ADAMTS17: variants seen among roughly 807,000 people sequenced by gnomAD.
ADAMTS17 encodes the protein ADAM metallopeptidase with thrombospondin type 1 motif 17.
Under a neutral mutation model 141.5 loss-of-function variants are expected in ADAMTS17, and 113 were observed. That is an observed-to-expected ratio of 0.80 (90% CI 0.69 to 0.93). ADAMTS17 has a LOEUF of 0.93. ADAMTS17 is among the 40% of genes least tolerant of loss of function. The pLI, the probability that ADAMTS17 is intolerant of heterozygous loss-of-function variation, is 0.00. For missense variants in ADAMTS17, 1,659 were observed against 1,517.9 expected (o/e 1.09, Z -1.54); for synonymous variants, 768 against 630.6 (o/e 1.22, Z -3.27).
At chr15:100,074,139 G>C (rs1456209136) in intron 15 of ADAMTS17, 1 of 153,046 alleles carries the variant, frequency 6.5e-6, no homozygotes, top group Non-Finnish European at 1.5e-5. Context: ...ACCTTGCTTA[G>C]CTTCTGAGAT....
chr15:100,297,496 T>G (rs1190052836), intron 3 of ADAMTS17, among the ~76,000 whole-genome samples: 1 of 152,006 alleles, frequency 6.6e-6, no homozygotes, highest in Non-Finnish European at 1.5e-5. Flanking sequence ...GCAAATAGAT[T>G]CAGGAGGGAC....
intron 14 of ADAMTS17, among the ~76,000 whole-genome samples, chr15:100,104,803 ATTTC>A (rs1453661757): frequency 1.3e-5 from 2 of 152,116 alleles, no homozygotes; most frequent in Non-Finnish European, 2.9e-5. Context: ...TTCCTTAACC[ATTTC>A]TTTCTTGCTA....
At chr15:100,198,167 T>C (rs1417164024) in intron 8 of ADAMTS17, among the ~76,000 whole-genome samples, 2 of 151,644 alleles carry the variant, frequency 1.3e-5, no homozygotes, top group Non-Finnish European at 2.9e-5. Context: ...GAACTTAGAG[T>C]AGAATTAAAA....
chr15:99,980,387 T>TC (rs1299521560), intron 20 of ADAMTS17: 1 of 152,162 alleles, frequency 6.6e-6, no homozygotes, highest in African/African-American at 2.4e-5. Flanking sequence ...AACACCAACA[T>TC]CCCTTTTCTC....
chr15:100,002,376 G>T (rs1318640903), intron 18 of ADAMTS17, among the ~76,000 whole-genome samples: 1 of 152,056 alleles, frequency 6.6e-6, no homozygotes, highest in African/African-American at 2.4e-5. Flanking sequence ...TCATGGGGAT[G>T]CCACTTGGCA....
chr15:100,000,942 GT>G (rs1191950872), intron 18 of ADAMTS17, among the ~76,000 whole-genome samples: 1 of 152,188 alleles, frequency 6.6e-6, no homozygotes, highest in African/African-American at 2.4e-5. Flanking sequence ...CTGAGAAATG[GT>G]GAAAGCTTTC....
chr15:100,033,422 C>T (rs184343524), intron 18 of ADAMTS17, among the ~76,000 whole-genome samples: 3 of 152,342 alleles, frequency 2.0e-5, no homozygotes, highest in Non-Finnish European at 4.4e-5. Flanking sequence ...TTTTCCAGTA[C>T]AGTAGCCCTC....
chr15:100,167,682 A>C (rs1186996202), intron 8 of ADAMTS17, among the ~76,000 whole-genome samples: 1 of 152,176 alleles, frequency 6.6e-6, no homozygotes, highest in Non-Finnish European at 1.5e-5. Flanking sequence ...CTCAGTTTCT[A>C]ATGAATTTAG....
At chr15:100,152,074 G>A (rs1180380472) in intron 10 of ADAMTS17, among the ~76,000 whole-genome samples, 1 of 152,224 alleles carries the variant, frequency 6.6e-6, no homozygotes, top group East Asian at 1.9e-4. Flanking sequence ...GGAAGCGTTA[G>A]TACCAAACAC....
At chr15:100,130,576 A>T (rs992885789) in intron 12 of ADAMTS17, among the ~76,000 whole-genome samples, 1 of 152,116 alleles carries the variant, frequency 6.6e-6, no homozygotes, top group African/African-American at 2.4e-5. Context: ...CTGCTGCTGG[A>T]GTCACCTGGG....
Position 100,341,413 on chromosome 15 carries a change from C to A in ADAMTS17, c.80-4G>T, listed in dbSNP as rs1435063786. 4 of 1,016,028 alleles carry A rather than the reference C, an allele frequency of 3.9e-6. No individual in the cohort carries two copies. The highest frequency in any genetic ancestry group is 4.7e-6 in the Non-Finnish European group (4 of 851,732). 62.9% of individuals were successfully genotyped at this position (1,016,028 alleles called of 1,614,324 possible). On this transcript the variant is annotated splice_polypyrimidine_tract_variant and splice_region_variant and intron_variant, in intron 1 of 21. Transcript: ENST00000268070. ...TCGGCCGCCGCGTCGCCGACAGCTGCGGGGAGAGAGGAGACGCGTCAGCGC... is the reference window on the plus strand; with the variant it reads ...TCGGCCGCCGCGTCGCCGACAGCTGAGGGGAGAGAGGAGACGCGTCAGCGC...
intron 15 of ADAMTS17, chr15:100,074,256 G>A (rs924335276): frequency 5.2e-5 from 8 of 152,436 alleles, no homozygotes; most frequent in African/African-American, 1.9e-4. Flanking sequence ...TGGAGAGAAT[G>A]TACACCTTTG....
chr15:100,047,062 T>C (rs1361944052), intron 18 of ADAMTS17, among the ~76,000 whole-genome samples: 1 of 151,924 alleles, frequency 6.6e-6, no homozygotes, highest in Non-Finnish European at 1.5e-5. Flanking sequence ...CCCCTGAGGG[T>C]AGGCCTCTAA....
chr15:100,035,466 G>A (rs1488583169), intron 18 of ADAMTS17, among the ~76,000 whole-genome samples: 1 of 152,196 alleles, frequency 6.6e-6, no homozygotes, highest in Non-Finnish European at 1.5e-5. Context: ...TATTTTCACT[G>A]TCTCACCAGT....
chr15:100,080,516 C>G (rs910910998), intron 15 of ADAMTS17, among the ~76,000 whole-genome samples: 1 of 152,092 alleles, frequency 6.6e-6, no homozygotes, highest in Non-Finnish European at 1.5e-5. Context: ...ATGACCCAGA[C>G]CATTCAGGAA....
intron 14 of ADAMTS17, among the ~76,000 whole-genome samples, chr15:100,102,341 G>C (rs1410777440): frequency 7.5e-6 from 1 of 133,142 alleles, no homozygotes. Flanking sequence ...GCCGACCGAA[G>C]GGGATCTACA....
intron 15 of ADAMTS17, among the ~76,000 whole-genome samples, chr15:100,081,120 A>G (rs2034707373): frequency 6.6e-6 from 1 of 152,200 alleles, no homozygotes; most frequent in African/African-American, 2.4e-5. Context: ...GGTGGGCACA[A>G]TCTAATCAGC....
chr15:100,096,340 A>T lies in ADAMTS17; in HGVS notation c.2137+16T>A. 6.2e-7 allele frequency: 1 copy of T among 1,612,924 alleles called. No homozygotes were observed. Among genetic ancestry groups the T allele is most frequent in the Non-Finnish European group, 8.5e-7 (1 of 1,180,022 alleles). ...AAAACACTGTAGCCACAGCAGCCCC[A>T]TGGGCCAACACTCACCTGTCCCCCG... On this transcript the variant is annotated intron_variant, in intron 15 of 21. Transcript: ENST00000268070.
At chr15:100,208,093 G>C (rs112381914) in intron 7 of ADAMTS17, among the ~76,000 whole-genome samples, 118 of 152,314 alleles carry the variant, frequency 7.7e-4, no homozygotes, top group Non-Finnish European at 1.4e-3. Flanking sequence ...AGCTCTGGAA[G>C]CTTCCAGGTC....
Sources: allele counts gnomAD v4.1 joint callset (sites outside exome capture counted in the v4.1 genomes callset), GRCh38; gene constraint gnomAD v4.1.1; transcripts MANE v1.5; gene names NCBI Gene and HGNC (gene_info 2026-07-23, HGNC 2026-07-21).